MALRD1: variants seen among roughly 807,000 people sequenced by gnomAD.
MALRD1 encodes MAM and LDL receptor class A domain containing 1.
MALRD1 carries 247 observed loss-of-function variants against 242.1 expected under a neutral mutation model. The observed-to-expected ratio is 1.02, with a 90% CI of 0.92 to 1.13. MALRD1 has a LOEUF of 1.13. Ranked by LOEUF, MALRD1 falls within the 50% of genes most tolerant of loss-of-function variation. The pLI is 0.00. For missense variants in MALRD1, 2,989 were observed against 2,533.1 expected, an observed-to-expected ratio of 1.18 and a Z score of -3.86; for synonymous variants, 995 against 866.6, an observed-to-expected ratio of 1.15 and a Z score of -2.60.
intron 38 of MALRD1, among the ~76,000 whole-genome samples, chr10:19,713,989 G>T (rs2131881567): frequency 6.6e-6 from 1 of 152,276 alleles, no homozygotes; most frequent in Non-Finnish European, 1.5e-5. Context: ...AGACAGGCAA[G>T]TTGTGGGGAT....
chr10:19,671,528 G>C lies in MALRD1; in HGVS notation c.6138-20754G>C, dbSNP rs116704520. Among the ~76,000 whole-genome samples the C allele has an allele frequency of 2.8e-3, 426 of 151,938 alleles. 2 individuals carry two copies. The highest frequency in any genetic ancestry group is 9.2e-3 in the African/African-American group (379 of 41,416). Reference sequence around the variant, plus strand: ...AGTAGCTCAGGAGGTTGAGGCAAGAGAACCACTTGAACCGAGGAGGCGGAG... The same window carrying C: ...AGTAGCTCAGGAGGTTGAGGCAAGACAACCACTTGAACCGAGGAGGCGGAG... On this transcript the variant is annotated intron_variant, in intron 36 of 39. Transcript: ENST00000454679.
intron 21 of MALRD1, among the ~76,000 whole-genome samples, chr10:19,305,778 T>C (rs1409399435): frequency 7.0e-6 from 1 of 142,710 alleles, no homozygotes; most frequent in African/African-American, 2.6e-5. Context: ...TACACTATAC[T>C]ATATATTATA....
chr10:19,577,709 T>C (rs1319396747), intron 33 of MALRD1, among the ~76,000 whole-genome samples: 2 of 152,106 alleles, frequency 1.3e-5, no homozygotes, highest in African/African-American at 2.4e-5. Flanking sequence ...AATGATGACG[T>C]TGGCCACATA....
chr10:19,552,626 G>A (rs181929394), intron 32 of MALRD1, among the ~76,000 whole-genome samples: 194 of 152,022 alleles, frequency 1.3e-3, no homozygotes, highest in African/African-American at 3.8e-3. Context: ...ACAACAGTAC[G>A]TGAATAATCC....
At chr10:19,507,348 A>G (rs1833188237) in intron 31 of MALRD1, among the ~76,000 whole-genome samples, 1 of 152,152 alleles carries the variant, frequency 6.6e-6, no homozygotes, top group African/African-American at 2.4e-5. Context: ...GTATAAATGT[A>G]AAAATTTTCA....
intron 30 of MALRD1, among the ~76,000 whole-genome samples, chr10:19,493,853 A>T (rs571613325): frequency 3.3e-4 from 50 of 152,226 alleles, no homozygotes; most frequent in African/African-American, 1.2e-3. Flanking sequence ...GTGTATTTTT[A>T]AAAATACTGA....
chr10:19,252,065 T>A (rs1839315474), intron 18 of MALRD1, among the ~76,000 whole-genome samples: 1 of 152,062 alleles, frequency 6.6e-6, no homozygotes, highest in Admixed American at 6.6e-5. Flanking sequence ...CTTTTCTTTA[T>A]AGATTACCCA....
chr10:19,685,908 T>TG (rs921850052), intron 36 of MALRD1, among the ~76,000 whole-genome samples: 1 of 152,118 alleles, frequency 6.6e-6, no homozygotes, highest in Non-Finnish European at 1.5e-5. Context: ...GTGATAGGTG[T>TG]GGTTCTGAGC....
chr10:19,344,096 C>G (rs997628443), intron 24 of MALRD1, among the ~76,000 whole-genome samples: 2 of 152,004 alleles, frequency 1.3e-5, no homozygotes, highest in Non-Finnish European at 2.9e-5. Flanking sequence ...ATTTTCTCCC[C>G]GGCTTTGGGT....
chr10:19,671,904 A>G (rs1841938152), intron 36 of MALRD1, among the ~76,000 whole-genome samples: 1 of 152,176 alleles, frequency 6.6e-6, no homozygotes, highest in Non-Finnish European at 1.5e-5. Context: ...CTTTGGTAGC[A>G]ATCAGCAATC....
chr10:19,700,060 ACG>A (rs1491016073), intron 38 of MALRD1, among the ~76,000 whole-genome samples: 3 of 148,576 alleles, frequency 2.0e-5, no homozygotes, highest in East Asian at 2.0e-4. Flanking sequence ...ACACACACAC[ACG>A]AAATCATTAC....
intron 36 of MALRD1, among the ~76,000 whole-genome samples, chr10:19,665,680 A>G (rs919570092): frequency 1.3e-5 from 2 of 152,066 alleles, no homozygotes; most frequent in African/African-American, 4.8e-5. Context: ...CAGGGCTTTA[A>G]CTTAAACATT....
chr10:19,244,671 C>T (rs951134679), intron 18 of MALRD1, among the ~76,000 whole-genome samples: 1 of 152,290 alleles, frequency 6.6e-6, no homozygotes, highest in Non-Finnish European at 1.5e-5. Flanking sequence ...TTGCTACTTG[C>T]ATTTTCTATG....
intron 38 of MALRD1, among the ~76,000 whole-genome samples, chr10:19,724,349 G>C (rs952774894): frequency 6.6e-6 from 1 of 152,136 alleles, no homozygotes; most frequent in African/African-American, 2.4e-5. Flanking sequence ...AAAGTTAATA[G>C]AAAACACTCA....
rs1392998774 is a variant in MALRD1 at position 19,136,605 on chromosome 10, G to T, written c.1235G>T (p.Arg412Ile). 3 of 1,231,638 alleles carry T rather than the reference G, an allele frequency of 2.4e-6. No homozygotes were observed. Among genetic ancestry groups the T allele is most frequent in the Non-Finnish European group, 2.0e-6 (2 of 987,918 alleles). The allele number at this position is 1,231,638 out of a possible 1,614,324, so 76.3% of individuals were successfully genotyped here. A position where few individuals can be genotyped will look rare whatever the true frequency, so the allele number is the denominator to read the frequency against. Residue 412 changes from arginine to isoleucine, a missense_variant, in exon 10 of 40, where the codon AGA becomes ATA. Arg to Ile is a moderately conservative substitution (Grantham distance 97). Transcript: ENST00000454679. ...TTTGAAGGGACTCTTTTGAGCCAGA[G>T]AAGTTTTATTGCCCTTGATCACCTC... ...IIFEGTLLSQ[R>I]SFIALDHLWV...
chr10:19,342,981 A>G (rs1843950678), intron 24 of MALRD1, among the ~76,000 whole-genome samples: 1 of 152,110 alleles, frequency 6.6e-6, no homozygotes, highest in African/African-American at 2.4e-5. Context: ...CAAATGTTTG[A>G]TATATAATAT....
At chr10:19,260,013 A>G (rs971133343) in intron 19 of MALRD1, among the ~76,000 whole-genome samples, 6 of 152,186 alleles carry the variant, frequency 3.9e-5, no homozygotes, top group African/African-American at 1.4e-4. Context: ...TTTGACACAT[A>G]CTAGTACTCA....
At chr10:19,052,497 C>A (rs1834538889) in intron 1 of MALRD1, among the ~76,000 whole-genome samples, 1 of 152,194 alleles carries the variant, frequency 6.6e-6, no homozygotes, top group African/African-American at 2.4e-5. Flanking sequence ...TGGGGCACAT[C>A]TAACTCAACT....
At chr10:19,624,301 C>G (rs979404531) in intron 36 of MALRD1, among the ~76,000 whole-genome samples, 6 of 151,996 alleles carry the variant, frequency 3.9e-5, no homozygotes, top group Non-Finnish European at 8.8e-5. Context: ...TACAACCATA[C>G]AATGGAATGC....
Sources: gnomAD v4.1 joint callset for allele counts (sites outside exome capture counted in the v4.1 genomes callset) on GRCh38, gnomAD v4.1.1 for gene constraint, MANE v1.5 for transcripts, NCBI Gene and HGNC (gene_info 2026-07-23, HGNC 2026-07-21) for gene names.